Variants in CCL28 observed in about 807,000 individuals in gnomAD.
CCL28 encodes the protein C-C motif chemokine 28.
CCL28 carries 4 observed loss-of-function variants against 7.1 expected under a neutral mutation model. That is an observed-to-expected ratio of 0.56 (90% CI 0.28 to 1.29). CCL28 has a LOEUF of 1.29. Ranked by LOEUF, CCL28 falls within the 50% of genes most tolerant of loss-of-function variation. CCL28 has a pLI of 0.11. For synonymous variants in CCL28, 55 were observed against 57.8 expected (o/e 0.95, Z 0.22); for missense variants, 151 against 163.4 (o/e 0.92, Z 0.41).
chr5:43,373,492 G>C (rs986515536), downstream of CCL28, among the ~76,000 whole-genome samples: 3 of 151,990 alleles, frequency 2.0e-5, no homozygotes, highest in African/African-American at 7.3e-5. Flanking sequence ...TAGAGACGGG[G>C]TTTCTCCATG....
At chr5:43,378,834 A>G (rs184047388), downstream of CCL28, among the ~76,000 whole-genome samples, 78 of 151,996 alleles carry the variant, frequency 5.1e-4, no homozygotes, top group Middle Eastern at 3.4e-3. Context: ...GGTGGTTCGC[A>G]CCTGTAGTCC....
chr5:43,410,623 C>T (rs745873610), intron 1 of CCL28, among the ~76,000 whole-genome samples: 1 of 152,156 alleles, frequency 6.6e-6, no homozygotes, highest in Non-Finnish European at 1.5e-5. Context: ...TCCTCATTAC[C>T]CTCTGCCTCC....
At chr5:43,396,138 G>C (rs559911682) in intron 1 of CCL28, among the ~76,000 whole-genome samples, 1 of 152,104 alleles carries the variant, frequency 6.6e-6, no homozygotes. Context: ...CCAAAGTGCT[G>C]GGATTACAGG....
At chr5:43,407,865 A>G (rs1419470751) in intron 1 of CCL28, among the ~76,000 whole-genome samples, 1 of 39,888 alleles carries the variant, frequency 2.5e-5, no homozygotes, top group Admixed American at 1.7e-4. Flanking sequence ...GAAGACATTT[A>G]TGCAGCCAAC....
chr5:43,388,627 T>C, intron 1 of CCL28, 151 bp from the exon 2 acceptor site: 4 of 690,254 alleles, frequency 5.8e-6, no homozygotes, highest in Non-Finnish European at 9.4e-6. Context: ...GCAGGACATG[T>C]TCCCACTTTC....
chr5:43,404,293 G>C (rs1227116324), intron 1 of CCL28, among the ~76,000 whole-genome samples: 1 of 152,222 alleles, frequency 6.6e-6, no homozygotes, highest in South Asian at 2.1e-4. Flanking sequence ...AAGCCCATCA[G>C]ACTAACAGCT....
the CCL28 span, among the ~76,000 whole-genome samples, chr5:43,357,198 A>C: frequency 6.6e-6 from 1 of 152,212 alleles, no homozygotes; most frequent in Non-Finnish European, 1.5e-5. Flanking sequence ...CCACTGCACA[A>C]ATACTCTCCA....
chr5:43,359,554 T>G, the CCL28 span, among the ~76,000 whole-genome samples: 10 of 152,090 alleles, frequency 6.6e-5, no homozygotes, highest in Non-Finnish European at 1.2e-4. Context: ...ATAGCCATCA[T>G]GAACATGTCA....
chr5:43,365,981 T>G, the CCL28 span, among the ~76,000 whole-genome samples: 1 of 152,250 alleles, frequency 6.6e-6, no homozygotes, highest in Non-Finnish European at 1.5e-5. Flanking sequence ...GTATATTTCA[T>G]GAAGTTCTTG....
chr5:43,361,084 G>C, the CCL28 span, among the ~76,000 whole-genome samples: 1 of 151,946 alleles, frequency 6.6e-6, no homozygotes, highest in Non-Finnish European at 1.5e-5. Flanking sequence ...TGGTTTTCTA[G>C]TCCTGTGTTA....
chr5:43,371,240 A>T, the CCL28 span, among the ~76,000 whole-genome samples: 1 of 152,194 alleles, frequency 6.6e-6, no homozygotes, highest in Non-Finnish European at 1.5e-5. Flanking sequence ...TTCTCCCCAG[A>T]GTAACCATTA....
chr5:43,379,683 G>A lies in CCL28; in HGVS notation c.*2177C>T, dbSNP rs995696840. 2 of 152,236 alleles carry A rather than the reference G, an allele frequency of 1.3e-5. No homozygotes were observed. Among genetic ancestry groups the A allele is most frequent in the East Asian group, 3.8e-4 (2 of 5,200 alleles). 9.4% of individuals were successfully genotyped at this position (152,236 alleles called of 1,614,324 possible). ...CCACCGCTTGGGACTAGCCAGCAGGGAGGCCCAGGACACCTGCCACCTGAT... is the reference window on the plus strand; with the variant it reads ...CCACCGCTTGGGACTAGCCAGCAGGAAGGCCCAGGACACCTGCCACCTGAT... On this transcript the variant is annotated 3_prime_UTR_variant, in exon 3 of 3. Coordinates refer to ENST00000361115, the MANE Select transcript of CCL28 (RefSeq NM_148672.3).
chr5:43,371,998 G>A (rs1244831018), downstream of CCL28, among the ~76,000 whole-genome samples: 1 of 152,202 alleles, frequency 6.6e-6, no homozygotes, highest in East Asian at 1.9e-4. Flanking sequence ...CACATGGTAA[G>A]AGAGGAAGCA....
chr5:43,390,593 G>T (rs1444731051), intron 1 of CCL28, among the ~76,000 whole-genome samples: 1 of 152,226 alleles, frequency 6.6e-6, no homozygotes, highest in African/African-American at 2.4e-5. Context: ...AGGCACTGAG[G>T]TCAGCTCTCT....
downstream of CCL28, among the ~76,000 whole-genome samples, chr5:43,374,742 C>G (rs531905716): frequency 6.7e-6 from 1 of 148,628 alleles, no homozygotes; most frequent in African/African-American, 2.5e-5. Flanking sequence ...GATCGAGCCA[C>G]TGCAATCCAG....
chr5:43,383,071 A>T (rs1274620579), intron 2 of CCL28, among the ~76,000 whole-genome samples: 2 of 152,134 alleles, frequency 1.3e-5, no homozygotes, highest in Non-Finnish European at 2.9e-5. Context: ...CACTCGCCTC[A>T]GCCCCCGAAG....
the CCL28 span, among the ~76,000 whole-genome samples, chr5:43,359,537 G>A: frequency 2.0e-5 from 3 of 152,184 alleles, no homozygotes; most frequent in African/African-American, 4.8e-5. Context: ...CCTTCAGTGT[G>A]GGTGTCATAG....
At chr5:43,372,899 A>T (rs1579711791), downstream of CCL28, among the ~76,000 whole-genome samples, 2 of 151,734 alleles carry the variant, frequency 1.3e-5, no homozygotes, top group South Asian at 2.1e-4. Context: ...CCCAGGTACA[A>T]GTGATTCTCC....
chr5:43,395,160 A>T (rs1000953714), intron 1 of CCL28, among the ~76,000 whole-genome samples: 6 of 149,708 alleles, frequency 4.0e-5, no homozygotes, highest in African/African-American at 1.5e-4. Context: ...CTGAGGAAAG[A>T]TGTTTAAGTT....
Sources: allele counts gnomAD v4.1 joint callset (sites outside exome capture counted in the v4.1 genomes callset), GRCh38; gene constraint gnomAD v4.1.1; transcripts MANE v1.5; gene names NCBI Gene and HGNC (gene_info 2026-07-23, HGNC 2026-07-21).